Variants in NFX1 observed in about 807,000 individuals in gnomAD.
NFX1 encodes transcriptional repressor NF-X1.
NFX1 carries 69 observed loss-of-function variants against 137.2 expected under a neutral mutation model. The ratio of observed to expected loss-of-function variants is 0.50; its 90% CI spans 0.41 to 0.61. The LOEUF is 0.61. Ranked by LOEUF, NFX1 falls within the 20% of genes least tolerant of loss-of-function variation. The probability of loss-of-function intolerance (pLI) is 0.00; values close to 1 mark genes in which losing one functional copy is unlikely to be tolerated. For synonymous variants in NFX1, 495 were observed against 474.1 expected (o/e 1.04, Z -0.57); for missense variants, 1,167 against 1,391.0 (o/e 0.84, Z 2.56).
At chr9:33,327,610 C>A (rs777646204) in intron 9 of NFX1, among the ~76,000 whole-genome samples, 1 of 152,158 alleles carries the variant, frequency 6.6e-6, no homozygotes, top group Non-Finnish European at 1.5e-5. Flanking sequence ...CATGATCTGC[C>A]CACCTCGGTC....
chr9:33,297,739 T>C (rs1821408967), intron 2 of NFX1, among the ~76,000 whole-genome samples: 1 of 152,206 alleles, frequency 6.6e-6, no homozygotes, highest in Admixed American at 6.5e-5. Flanking sequence ...CCCTGCCACA[T>C]GACTCTGTAC....
chr9:33,319,267 G>A (rs370265170), intron 9 of NFX1, 140 bp downstream of exon 9: 14 of 724,734 alleles, frequency 1.9e-5, no homozygotes, highest in African/African-American at 1.2e-4. Flanking sequence ...ATGTAGGTAC[G>A]TTTTCTTTCC....
chr9:33,338,110 T>C (rs1333311771), intron 11 of NFX1, among the ~76,000 whole-genome samples: 5 of 151,202 alleles, frequency 3.3e-5, no homozygotes, highest in Non-Finnish European at 7.4e-5. Context: ...ATCTCAGCAC[T>C]TTGGGAGGCC....
chr9:33,338,118 G>A (rs528161985), intron 11 of NFX1, among the ~76,000 whole-genome samples: 1 of 151,778 alleles, frequency 6.6e-6, no homozygotes, highest in African/African-American at 2.4e-5. Context: ...ACTTTGGGAG[G>A]CCATGGGAGG....
intron 9 of NFX1, among the ~76,000 whole-genome samples, chr9:33,325,441 A>G (rs1822547538): frequency 6.6e-6 from 1 of 152,182 alleles, no homozygotes; most frequent in South Asian, 2.1e-4. Context: ...AGGCGGGTGG[A>G]TCACGAGGTC....
intron 1 of NFX1, 44 bp downstream of exon 1, chr9:33,290,641 G>A: frequency 6.3e-7 from 1 of 1,585,670 alleles, no homozygotes; most frequent in South Asian, 1.1e-5. Context: ...TTCAGGGAGC[G>A]GAAATTGGGT....
At chr9:33,296,579 A>T (rs1821362814) in intron 2 of NFX1, among the ~76,000 whole-genome samples, 1 of 152,146 alleles carries the variant, frequency 6.6e-6, no homozygotes, top group African/African-American at 2.4e-5. Context: ...GAATTAAAAT[A>T]AAAAAATTAG....
chr9:33,363,042 G>A (rs1331554067), intron 19 of NFX1, among the ~76,000 whole-genome samples: 1 of 151,822 alleles, frequency 6.6e-6, no homozygotes, highest in Non-Finnish European at 1.5e-5. Context: ...GGTGATGATG[G>A]TTAACGGTAA....
intron 7 of NFX1, among the ~76,000 whole-genome samples, chr9:33,315,949 C>T (rs1222752709): frequency 2.0e-5 from 3 of 151,696 alleles, no homozygotes; most frequent in Non-Finnish European, 2.9e-5. Context: ...GTGGGATCCA[C>T]GAAAACCAGT....
chr9:33,297,293 A>T (rs1172540958), intron 2 of NFX1, among the ~76,000 whole-genome samples: 1 of 152,170 alleles, frequency 6.6e-6, no homozygotes, highest in South Asian at 2.1e-4. Context: ...CCTTGAAGCC[A>T]CCATCTACCC....
At chr9:33,339,993 C>G (rs771848372) in intron 12 of NFX1, among the ~76,000 whole-genome samples, 1 of 152,226 alleles carries the variant, frequency 6.6e-6, no homozygotes, top group East Asian at 1.9e-4. Context: ...CATTGAGTGT[C>G]TGTGGCTTTT....
intron 6 of NFX1, among the ~76,000 whole-genome samples, chr9:33,312,637 G>A (rs1445514652): frequency 1.3e-5 from 2 of 152,238 alleles, no homozygotes; most frequent in African/African-American, 4.8e-5. Flanking sequence ...TCGGGAGGCC[G>A]AGGTGGGTGG....
chr9:33,317,936 A>T (rs984668954), intron 7 of NFX1, among the ~76,000 whole-genome samples: 2 of 119,734 alleles, frequency 1.7e-5, no homozygotes, highest in Admixed American at 2.4e-4. Context: ...AGATCATGCC[A>T]TTGCACTCCA....
chr9:33,349,573 C>A (rs970788527), intron 15 of NFX1, among the ~76,000 whole-genome samples: 3 of 152,056 alleles, frequency 2.0e-5, no homozygotes, highest in African/African-American at 7.3e-5. Flanking sequence ...AGAAGTATAT[C>A]CCTCATTTCG....
At chr9:33,318,641 C>A in intron 7 of NFX1, 90 bp from the exon 8 acceptor site, 1 of 1,237,534 alleles carries the variant, frequency 8.1e-7, no homozygotes, top group Non-Finnish European at 1.2e-6. Context: ...GTGCCAGGCC[C>A]GCATTTTGTA....
At chr9:33,342,657 A>C in intron 12 of NFX1, 89 bp from the exon 13 acceptor site, 2 of 864,858 alleles carry the variant, frequency 2.3e-6, no homozygotes, top group South Asian at 1.8e-5. Flanking sequence ...ATAAATGTGT[A>C]GAGCTTTGTT....
At chr9:33,306,391 A>G (rs1337194113) in intron 4 of NFX1, among the ~76,000 whole-genome samples, 1 of 152,248 alleles carries the variant, frequency 6.6e-6, no homozygotes, top group African/African-American at 2.4e-5. Flanking sequence ...AAGAATGTTC[A>G]GCAGACATTT....
At chr9:33,342,978 A>T (rs1823282911) in intron 13 of NFX1, 124 bp downstream of exon 13, 1 of 662,050 alleles carries the variant, frequency 1.5e-6, no homozygotes, top group Non-Finnish European at 2.5e-6. Flanking sequence ...TATTTCCAAT[A>T]TGTTGAGACT....
At chr9:33,343,950 C>A (rs574201450) in intron 13 of NFX1, 119 bp from the exon 14 acceptor site, 10 of 1,297,028 alleles carry the variant, frequency 7.7e-6, no homozygotes, top group African/African-American at 7.5e-5. Context: ...AAAAGTAGCA[C>A]CCCCATAAAT....
Sources: allele counts gnomAD v4.1 joint callset (sites outside exome capture counted in the v4.1 genomes callset), GRCh38; gene constraint gnomAD v4.1.1; transcripts MANE v1.5; gene names NCBI Gene and HGNC (gene_info 2026-07-23, HGNC 2026-07-21).